Variants in COL25A1 observed in about 807,000 individuals in gnomAD.
The protein encoded by COL25A1 is collagen alpha-1(XXV) chain.
COL25A1 carries 103 observed loss-of-function variants against 128.4 expected under a neutral mutation model. The observed-to-expected ratio is 0.80, with a 90% CI of 0.68 to 0.94. The LOEUF (loss-of-function observed/expected upper bound fraction) is 0.94, where lower values mean the gene tolerates loss of function less well. COL25A1 is among the 40% of genes least tolerant of loss of function. The probability of loss-of-function intolerance (pLI) is 0.00; values close to 1 mark genes in which losing one functional copy is unlikely to be tolerated. For missense variants in COL25A1, 745 were observed against 840.0 expected (o/e 0.89, Z 1.40); for synonymous variants, 279 against 277.2 (o/e 1.01, Z -0.06).
At chr4:108,997,881 T>C (rs181013645) in intron 6 of COL25A1, among the ~76,000 whole-genome samples, 1 of 152,272 alleles carries the variant, frequency 6.6e-6, no homozygotes, top group African/African-American at 2.4e-5. Flanking sequence ...AACCACATGA[T>C]TATCTCAATT....
intron 3 of COL25A1, among the ~76,000 whole-genome samples, chr4:109,288,893 G>C (rs1724149797): frequency 1.3e-5 from 2 of 150,408 alleles, no homozygotes; most frequent in Admixed American, 1.3e-4. Flanking sequence ...CAAATCCATA[G>C]GTTAGGAATA....
chr4:108,894,817 C>T (rs114227087), intron 16 of COL25A1, among the ~76,000 whole-genome samples: 26 of 152,274 alleles, frequency 1.7e-4, no homozygotes, highest in Admixed American at 7.8e-4. Context: ...TTGTATTAAA[C>T]AGATTCATGC....
At chr4:109,118,070 T>TA (rs1466816868) in intron 3 of COL25A1, among the ~76,000 whole-genome samples, 1 of 151,824 alleles carries the variant, frequency 6.6e-6, no homozygotes, top group African/African-American at 2.4e-5. Flanking sequence ...CCAAATATGG[T>TA]ATAATCACTT....
intron 24 of COL25A1, among the ~76,000 whole-genome samples, chr4:108,855,151 C>T (rs1736323357): frequency 6.7e-6 from 1 of 149,408 alleles, no homozygotes; most frequent in African/African-American, 2.5e-5. Context: ...TTCTGTTTTC[C>T]ACTGTTCCAC....
intron 35 of COL25A1, among the ~76,000 whole-genome samples, chr4:108,822,043 A>T (rs868660945): frequency 1.1e-4 from 10 of 89,966 alleles, no homozygotes; most frequent in South Asian, 4.8e-4. Flanking sequence ...CCTAATGGTA[A>T]TTTTTTTTTT....
At chr4:109,169,475 T>A (rs1470112510) in intron 3 of COL25A1, among the ~76,000 whole-genome samples, 1 of 152,206 alleles carries the variant, frequency 6.6e-6, no homozygotes, top group East Asian at 1.9e-4. Context: ...ATGTCTTGAT[T>A]ATCCTTGTGT....
At chr4:109,131,427 T>C (rs1304911744) in intron 3 of COL25A1, among the ~76,000 whole-genome samples, 1 of 152,224 alleles carries the variant, frequency 6.6e-6, no homozygotes, top group Admixed American at 6.5e-5. Flanking sequence ...TAATTCTGAA[T>C]ATTGTTTTAA....
At chr4:108,869,050 A>AAAGC in intron 20 of COL25A1, 38 bp downstream of exon 20, 4 of 1,336,556 alleles carry the variant, frequency 3.0e-6, no homozygotes, top group Non-Finnish European at 4.2e-6. Context: ...AGAAAGAAAG[A>AAAGC]AAAAGAAAGA....
intron 11 of COL25A1, among the ~76,000 whole-genome samples, chr4:108,936,335 G>C (rs1008925495): frequency 6.6e-5 from 10 of 152,088 alleles, no homozygotes; most frequent in Admixed American, 5.2e-4. Context: ...TTGGGAGGCC[G>C]AGGCAGGTGG....
At position 108,825,449 on chromosome 4, in the gene COL25A1, G is replaced by A. The variant is rs1022561569; in HGVS notation, c.1765-227C>T. On this transcript the variant is annotated intron_variant, in intron 33 of 37. Coordinates refer to ENST00000399132, the MANE Select transcript of COL25A1 (RefSeq NM_198721.4). ...AGATTAATATTTTGCTGATGTTTAA[G>A]CCTTGGTAGCTAAGTTATCAGTCCA... Among the ~76,000 whole-genome samples, 11 of 152,018 alleles carry A rather than the reference G, an allele frequency of 7.2e-5. No individual in the cohort carries two copies. The East Asian group carries it at 1.2e-3, about 16-fold the overall frequency.
chr4:108,818,431 T>G (rs1191366305), intron 36 of COL25A1, among the ~76,000 whole-genome samples: 1 of 152,094 alleles, frequency 6.6e-6, no homozygotes. Flanking sequence ...TATTTATACC[T>G]CAGAAAATAT....
chr4:109,133,398 G>A (rs2126072190), intron 3 of COL25A1, among the ~76,000 whole-genome samples: 1 of 152,034 alleles, frequency 6.6e-6, no homozygotes, highest in Admixed American at 6.5e-5. Context: ...TAGGGTCATT[G>A]TTGGGTTATT....
chr4:109,156,069 T>C (rs1772000382), intron 3 of COL25A1, among the ~76,000 whole-genome samples: 1 of 152,162 alleles, frequency 6.6e-6, no homozygotes. Flanking sequence ...GCTGATGCTG[T>C]CAACTGCCGG....
intron 3 of COL25A1, among the ~76,000 whole-genome samples, chr4:109,288,971 AC>A (rs1294453298): frequency 5.2e-4 from 60 of 115,198 alleles, no homozygotes; most frequent in Admixed American, 6.6e-4. Context: ...ATACACACAC[AC>A]ACACACACAC....
chr4:108,867,742 G>C (rs978973909), intron 20 of COL25A1, among the ~76,000 whole-genome samples: 1 of 152,108 alleles, frequency 6.6e-6, no homozygotes, highest in Non-Finnish European at 1.5e-5. Context: ...AAAAATAAAA[G>C]AATGTAGTTT....
intron 3 of COL25A1, among the ~76,000 whole-genome samples, chr4:109,151,909 G>A (rs370636694): frequency 1.2e-4 from 19 of 152,082 alleles, no homozygotes; most frequent in African/African-American, 2.4e-4. Flanking sequence ...ACAATGAATC[G>A]TCTGTGCTTA....
intron 8 of COL25A1, among the ~76,000 whole-genome samples, chr4:108,968,759 CTGTT>C (rs372772827): frequency 5.6e-4 from 86 of 152,294 alleles, no homozygotes; most frequent in African/African-American, 2.0e-3. Context: ...TCTCATGTTT[CTGTT>C]TGTTACACTA....
intron 3 of COL25A1, among the ~76,000 whole-genome samples, chr4:109,184,209 A>T (rs1774927072): frequency 6.6e-6 from 1 of 152,190 alleles, no homozygotes; most frequent in Non-Finnish European, 1.5e-5. Flanking sequence ...ATTAACATTC[A>T]TATTTACTTT....
intron 3 of COL25A1, among the ~76,000 whole-genome samples, chr4:109,155,823 T>C (rs1343997845): frequency 6.6e-6 from 1 of 152,170 alleles, no homozygotes. Context: ...ATATGATTCA[T>C]AAACAAGAAA....
Sources: gnomAD v4.1 joint callset for allele counts (sites outside exome capture counted in the v4.1 genomes callset) on GRCh38, gnomAD v4.1.1 for gene constraint, MANE v1.5 for transcripts, NCBI Gene and HGNC (gene_info 2026-07-23, HGNC 2026-07-21) for gene names.